Variants in HCLS1 observed in about 807,000 individuals in gnomAD.
HCLS1 encodes the protein hematopoietic cell-specific Lyn substrate 1.
Under a neutral mutation model 68.6 loss-of-function variants are expected in HCLS1, and 44 were observed. The ratio of observed to expected loss-of-function variants is 0.64; its 90% confidence interval spans 0.50 to 0.82. The LOEUF (loss-of-function observed/expected upper bound fraction) is 0.82. Among genes scored for constraint, HCLS1 ranks in the 40% least tolerant of loss-of-function variants. HCLS1 has a pLI of 0.00. For missense variants in HCLS1, 602 were observed against 612.1 expected (o/e 0.98, Z 0.17); for synonymous variants, 217 against 225.8 (o/e 0.96, Z 0.35).
At chr3:121,646,572 CATATATTAATATATATAAT>C (rs1425258034) in intron 4 of HCLS1, among the ~76,000 whole-genome samples, 3 of 103,590 alleles carry the variant, frequency 2.9e-5, no homozygotes, top group African/African-American at 4.0e-5. Flanking sequence ...ATATTTATTA[CATATATTAATATATATAAT>C]ATATATTAAT....
At chr3:121,650,691 C>A (rs1937730981) in intron 3 of HCLS1, among the ~76,000 whole-genome samples, 1 of 152,126 alleles carries the variant, frequency 6.6e-6, no homozygotes, top group African/African-American at 2.4e-5. Flanking sequence ...AACTGTCAGT[C>A]CTTTAGGACA....
intron 1 of HCLS1, among the ~76,000 whole-genome samples, chr3:121,660,414 T>C (rs1158223608): frequency 6.6e-6 from 1 of 152,226 alleles, no homozygotes; most frequent in African/African-American, 2.4e-5. Flanking sequence ...CAGTGACTAC[T>C]TCCTGATCTG....
chr3:121,636,662 A>G (rs1346558413), intron 7 of HCLS1, among the ~76,000 whole-genome samples, 173 bp from the exon 8 acceptor site: 2 of 152,216 alleles, frequency 1.3e-5, no homozygotes, highest in Non-Finnish European at 2.9e-5. Context: ...TGGGGAAAAA[A>G]TCTGGGAGCG....
intron 8 of HCLS1, among the ~76,000 whole-genome samples, chr3:121,636,094 A>G (rs2049149308): frequency 6.6e-6 from 1 of 152,190 alleles, no homozygotes; most frequent in South Asian, 2.1e-4. Flanking sequence ...ATGAGGAGGA[A>G]CTAGTGTAGG....
In HCLS1 at chr3:121,633,071, G is replaced by T. The variant is rs150723074; in HGVS notation, c.1004C>A (p.Pro335Gln). The part of the protein sequence containing the change: ...VPLLPIRQTL[P>Q]EDNEEPPALP... ...AATCTTTGGGGGTTTGCTTACCTCCGGGAGAGTCTGCCTAATGGGCAGCAA... is the reference window on the plus strand; with the variant it reads ...AATCTTTGGGGGTTTGCTTACCTCCTGGAGAGTCTGCCTAATGGGCAGCAA... The change falls in exon 11 of 14, where the codon CCG (proline) becomes CAG (glutamine). Residue 335 changes from proline to glutamine, a missense_variant. Pro to Gln is a moderately conservative substitution (Grantham distance 76, BLOSUM62 -1). Coordinates refer to ENST00000314583, the MANE Select transcript of HCLS1 (RefSeq NM_005335.6). 1.2e-6 allele frequency: 2 copies of T among 1,604,736 alleles called. No individual in the cohort carries two copies. The highest frequency in any genetic ancestry group is 4.5e-5 in the East Asian group (2 of 44,784).
At chr3:121,637,740 G>A (rs1468770533) in intron 6 of HCLS1, among the ~76,000 whole-genome samples, 1 of 152,162 alleles carries the variant, frequency 6.6e-6, no homozygotes, top group Non-Finnish European at 1.5e-5. Flanking sequence ...TTTGAGACCA[G>A]CCTGGCCAAA....
chr3:121,654,832 C>T (rs947848520), intron 3 of HCLS1, among the ~76,000 whole-genome samples: 5 of 152,206 alleles, frequency 3.3e-5, no homozygotes, highest in African/African-American at 1.2e-4. Flanking sequence ...ATTTCCCTCT[C>T]CTTTCCAAGG....
Position 121,632,459 on chromosome 3 carries a change from C to A in HCLS1, c.1113G>T (p.Glu371Asp), listed in dbSNP as rs1219567427. 6.2e-7 allele frequency: 1 copy of A among 1,613,894 alleles called. No homozygotes were observed. Among genetic ancestry groups the A allele is most frequent in the South Asian group, 1.1e-5 (1 of 91,054 alleles). ...CCTCATAGTCATTCTCAGGCTCGGG[C>A]TCAGGCTCGGGCTCAGGCTCAGGCT... ...EAEPEPEPEP[E>D]PEPENDYEDV... The change falls in exon 12 of 14, where the codon GAG (glutamate) becomes GAT (aspartate). Residue 371 changes from glutamate (E) to aspartate (D), a missense_variant. By Grantham distance (45) the Glu-to-Asp change is conservative (BLOSUM62 2). Transcript: ENST00000314583.
intron 6 of HCLS1, among the ~76,000 whole-genome samples, chr3:121,638,082 T>C (rs559565943): frequency 1.3e-5 from 2 of 152,112 alleles, no homozygotes; most frequent in Non-Finnish European, 2.9e-5. Context: ...TTTGGGGGAT[T>C]TTTTGTTTTT....
At chr3:121,640,837 GAGGGCAGGGCAGGGCAGGGC>G (rs557668199) in intron 6 of HCLS1, among the ~76,000 whole-genome samples, 11 of 90,218 alleles carry the variant, frequency 1.2e-4, no homozygotes, top group African/African-American at 4.4e-4. Context: ...GAGGGGACGG[GAGGGCAGGGCAGGGCAGGGC>G]AGGGCAGGGC....
intron 7 of HCLS1, 53 bp downstream of exon 7, chr3:121,637,093 G>A: frequency 7.8e-7 from 1 of 1,273,912 alleles, no homozygotes; most frequent in South Asian, 1.2e-5. Flanking sequence ...CAGAAAGGAA[G>A]GAAGGAGATC....
chr3:121,642,746 C>T (rs559622913), intron 6 of HCLS1, among the ~76,000 whole-genome samples, 181 bp downstream of exon 6: 26 of 150,218 alleles, frequency 1.7e-4, no homozygotes, highest in Admixed American at 4.6e-4. Context: ...ACTGCACTCC[C>T]GCCTGGGTGA....
chr3:121,639,530 TTTGTTGTTGTTG>T (rs373818113), intron 6 of HCLS1, among the ~76,000 whole-genome samples: 2 of 151,112 alleles, frequency 1.3e-5, no homozygotes, highest in Non-Finnish European at 2.9e-5. Context: ...GATTTTATTT[TTTGTTGTTGTTG>T]TTGTTGTTGT....
At chr3:121,633,202 C>A in intron 10 of HCLS1, 31 bp from the exon 11 acceptor site, 1 of 1,384,658 alleles carries the variant, frequency 7.2e-7, no homozygotes, top group Non-Finnish European at 9.9e-7. Context: ...CTCAAGTAAG[C>A]AAGCCTCCAT....
chr3:121,643,069 G>A, intron 5 of HCLS1, 88 bp from the exon 6 acceptor site: 1 of 1,065,176 alleles, frequency 9.4e-7, no homozygotes, highest in Non-Finnish European at 1.5e-6. Flanking sequence ...GCCAGCCCCA[G>A]AGGTAGTTTG....
intron 3 of HCLS1, chr3:121,656,212 G>T (rs1937867455): frequency 1.3e-5 from 2 of 152,246 alleles, no homozygotes; most frequent in East Asian, 3.9e-4. Flanking sequence ...CTTGTGCCAG[G>T]CTTTCACAGT....
intron 6 of HCLS1, 149 bp downstream of exon 6, chr3:121,642,778 A>T (rs1467451192): frequency 2.9e-6 from 2 of 688,834 alleles, no homozygotes; most frequent in Admixed American, 2.2e-5. Context: ...CCTGTCTCAA[A>T]AACAAACAAA....
Position 121,634,198 on chromosome 3 carries a change from G to A in HCLS1, c.903+9C>T. The A allele has an allele frequency of 6.2e-7, 1 of 1,614,038 alleles. No individual in the cohort carries two copies. Among genetic ancestry groups the A allele is most frequent in the Non-Finnish European group, 8.5e-7 (1 of 1,180,030 alleles). On this transcript the variant is annotated intron_variant, in intron 10 of 13. Transcript: ENST00000314583. ...CCTGGATGTGGATCCCAGAGGGCCA[G>A]GCGCTCACCTCTGAGGAGATTTTCT...
chr3:121,635,009 T>C (rs976593454), intron 9 of HCLS1, among the ~76,000 whole-genome samples: 1 of 152,068 alleles, frequency 6.6e-6, no homozygotes, highest in African/African-American at 2.4e-5. Context: ...TAAATCTGTA[T>C]GCCTTCTTCA....
Sources: allele counts gnomAD v4.1 joint callset (sites outside exome capture counted in the v4.1 genomes callset), GRCh38; gene constraint gnomAD v4.1.1; transcripts MANE v1.5; gene names NCBI Gene and HGNC (gene_info 2026-07-23, HGNC 2026-07-21).